Variants in EAF2 observed in about 807,000 individuals in gnomAD.
EAF2 encodes the protein ELL-associated factor 2.
In EAF2, 29 loss-of-function variants were observed where a neutral mutation model predicts 29.4. The ratio of observed to expected loss-of-function variants is 0.99; its 90% confidence interval spans 0.73 to 1.35. The LOEUF (loss-of-function observed/expected upper bound fraction) is 1.35. EAF2 is among the 40% of genes most tolerant of loss of function. EAF2 has a pLI of 0.00. For missense variants in EAF2, 292 were observed against 312.0 expected (o/e 0.94, Z 0.48); for synonymous variants, 103 against 102.5 (o/e 1.00, Z -0.03).
At chr3:121,848,449 T>C (rs1708569643) in intron 2 of EAF2, among the ~76,000 whole-genome samples, 1 of 152,218 alleles carries the variant, frequency 6.6e-6, no homozygotes, top group African/African-American at 2.4e-5. Context: ...TGTATTCTGC[T>C]GCTGTGTGTT....
intron 4 of EAF2, among the ~76,000 whole-genome samples, chr3:121,859,701 A>G (rs1418577367): frequency 6.6e-6 from 1 of 152,118 alleles, no homozygotes; most frequent in African/African-American, 2.4e-5. Flanking sequence ...GAGCTCCCCA[A>G]CACTATGTTG....
At chr3:121,870,793 T>C (rs930527327) in intron 4 of EAF2, among the ~76,000 whole-genome samples, 2 of 152,078 alleles carry the variant, frequency 1.3e-5, no homozygotes, top group African/African-American at 4.8e-5. Flanking sequence ...CCAGTAAGCA[T>C]ATAAAAAAAC....
intron 5 of EAF2, 135 bp downstream of exon 5, chr3:121,872,923 T>C (rs1709042034): frequency 2.3e-6 from 3 of 1,302,592 alleles, no homozygotes; most frequent in Admixed American, 5.0e-5. Flanking sequence ...TACATTTTTA[T>C]TGAATTATGG....
intron 5 of EAF2, among the ~76,000 whole-genome samples, chr3:121,875,966 A>G (rs1331007899): frequency 6.6e-6 from 1 of 152,002 alleles, no homozygotes; most frequent in African/African-American, 2.4e-5. Flanking sequence ...TGAGAAGACT[A>G]AACATTACAC....
At chr3:121,872,908 A>C in intron 5 of EAF2, 120 bp downstream of exon 5, 1 of 1,356,288 alleles carries the variant, frequency 7.4e-7, no homozygotes, top group Non-Finnish European at 1.0e-6. Flanking sequence ...GATACTATTA[A>C]TAATTACATT....
chr3:121,861,695 T>G (rs191379323), intron 4 of EAF2, among the ~76,000 whole-genome samples: 16 of 152,268 alleles, frequency 1.1e-4, no homozygotes, highest in African/African-American at 3.1e-4. Context: ...TGTTATGTGT[T>G]AATTTGATCC....
intron 2 of EAF2, among the ~76,000 whole-genome samples, chr3:121,849,580 CCTT>C (rs749905163): frequency 3.0e-4 from 46 of 151,842 alleles, no homozygotes; most frequent in Non-Finnish European, 6.0e-4. Context: ...TTCTAACTAT[CCTT>C]CTATTATTCA....
chr3:121,838,237 G>T (rs1386687561), intron 1 of EAF2, among the ~76,000 whole-genome samples: 2 of 152,094 alleles, frequency 1.3e-5, no homozygotes, highest in Non-Finnish European at 2.9e-5. Flanking sequence ...TGAAAAAATT[G>T]CATAGATGAA....
At chr3:121,851,764 G>C (rs1191927069) in intron 2 of EAF2, among the ~76,000 whole-genome samples, 1 of 152,158 alleles carries the variant, frequency 6.6e-6, no homozygotes, top group African/African-American at 2.4e-5. Context: ...AAAGAGAGTA[G>C]GGAGGAGAAT....
chr3:121,871,981 T>C (rs920008842), intron 4 of EAF2, among the ~76,000 whole-genome samples: 1 of 151,902 alleles, frequency 6.6e-6, no homozygotes, highest in African/African-American at 2.4e-5. Flanking sequence ...AAGACATCAT[T>C]ATTATTCTTT....
intron 5 of EAF2, among the ~76,000 whole-genome samples, chr3:121,883,425 T>G (rs1192019613): frequency 1.3e-5 from 2 of 152,238 alleles, no homozygotes; most frequent in African/African-American, 2.4e-5. Context: ...CATCTTCAGT[T>G]TACATGATAG....
chr3:121,885,030 A>C (rs1709260690), intron 5 of EAF2, among the ~76,000 whole-genome samples: 1 of 152,168 alleles, frequency 6.6e-6, no homozygotes, highest in Admixed American at 6.5e-5. Flanking sequence ...TGTATATCCA[A>C]CTGCCAGTAC....
At position 121,835,407 on chromosome 3, in the gene EAF2, C is replaced by A. The variant is rs201253070; in HGVS notation, c.106+16C>A. The A allele has an allele frequency of 1.9e-6, 3 of 1,611,504 alleles. No homozygotes were observed. The highest frequency in any genetic ancestry group is 1.1e-5 in the South Asian group (1 of 90,988). On this transcript the variant is annotated intron_variant, in intron 1 of 5. Transcript: ENST00000273668. ...ACTGTGCGCTGTGAGTGAGGACCAT[C>A]CGGGGATAGAGGGGGAGCCTCCCGG...
intron 5 of EAF2, among the ~76,000 whole-genome samples, chr3:121,878,802 T>C (rs2689274): frequency 6.6e-6 from 1 of 152,142 alleles, no homozygotes; most frequent in South Asian, 2.1e-4. Flanking sequence ...ATGGACACTT[T>C]GGTTGATTCC....
chr3:121,835,848 G>A (rs1468668133), intron 1 of EAF2, among the ~76,000 whole-genome samples: 1 of 152,114 alleles, frequency 6.6e-6, no homozygotes. Flanking sequence ...TATTTGGTGT[G>A]TTCTTTGCAA....
intron 4 of EAF2, among the ~76,000 whole-genome samples, chr3:121,861,738 G>A (rs561429290): frequency 9.2e-5 from 14 of 152,178 alleles, no homozygotes; most frequent in Admixed American, 2.6e-4. Flanking sequence ...TATTTTGCTC[G>A]TTAGTTTATG....
At chr3:121,858,066 T>A (rs1708755948) in intron 4 of EAF2, among the ~76,000 whole-genome samples, 1 of 152,322 alleles carries the variant, frequency 6.6e-6, no homozygotes, top group African/African-American at 2.4e-5. Flanking sequence ...ATCCAGTCTA[T>A]CATTGTTGGA....
chr3:121,871,302 T>C (rs992195885), intron 4 of EAF2, among the ~76,000 whole-genome samples: 2 of 149,452 alleles, frequency 1.3e-5, no homozygotes, highest in Non-Finnish European at 3.0e-5. Context: ...AGTGAATCTA[T>C]TTGTATGAAG....
chr3:121,835,533 C>T (rs2107482405), intron 1 of EAF2, 142 bp downstream of exon 1: 2 of 716,934 alleles, frequency 2.8e-6, no homozygotes, highest in East Asian at 5.4e-5. Flanking sequence ...CAGCGCGATC[C>T]TCTAACCTGC....
Sources: gnomAD v4.1 joint callset for allele counts (sites outside exome capture counted in the v4.1 genomes callset) on GRCh38, gnomAD v4.1.1 for gene constraint, MANE v1.5 for transcripts, NCBI Gene and HGNC (gene_info 2026-07-23, HGNC 2026-07-21) for gene names.